NCKAP5: variants seen among roughly 807,000 people sequenced by gnomAD.
The protein encoded by NCKAP5 is nck-associated protein 5.
In NCKAP5, 92 loss-of-function variants were observed where a neutral mutation model predicts 167.0. The observed-to-expected ratio is 0.55, with a 90% CI of 0.47 to 0.66. The LOEUF is 0.66. NCKAP5 is among the 30% of genes least tolerant of loss of function. The probability of loss-of-function intolerance (pLI) is 0.00; values close to 1 mark genes in which losing one functional copy is unlikely to be tolerated. For synonymous variants in NCKAP5, 891 were observed against 877.4 expected (o/e 1.02, Z -0.27); for missense variants, 2,378 against 2,315.0 (o/e 1.03, Z -0.56).
intron 19 of NCKAP5, among the ~76,000 whole-genome samples, chr2:132,690,670 C>T (rs1435592297): frequency 2.0e-5 from 3 of 152,190 alleles, no homozygotes; most frequent in South Asian, 2.1e-4. Context: ...CTGCTCCACT[C>T]TGCACCATAG....
chr2:133,244,851 G>C (rs2087897099), intron 4 of NCKAP5, among the ~76,000 whole-genome samples: 1 of 152,094 alleles, frequency 6.6e-6, no homozygotes, highest in Admixed American at 6.6e-5. Flanking sequence ...AAATAACAAA[G>C]CTTCTGTAAA....
At chr2:133,413,958 G>C (rs1040469541) in intron 3 of NCKAP5, among the ~76,000 whole-genome samples, 2 of 152,174 alleles carry the variant, frequency 1.3e-5, no homozygotes, top group Non-Finnish European at 2.9e-5. Context: ...AATTTGTCTG[G>C]AGTTGAACAC....
chr2:132,942,939 T>C (rs1697410462), intron 8 of NCKAP5, among the ~76,000 whole-genome samples: 1 of 152,236 alleles, frequency 6.6e-6, no homozygotes. Flanking sequence ...TGCTAAAACC[T>C]GGTTAGTCTG....
intron 2 of NCKAP5, among the ~76,000 whole-genome samples, chr2:133,521,498 G>A (rs764428012): frequency 2.0e-4 from 31 of 152,250 alleles, no homozygotes; most frequent in Non-Finnish European, 3.5e-4. Flanking sequence ...CACAGACTGA[G>A]CGGATTACAC....
intron 9 of NCKAP5, among the ~76,000 whole-genome samples, chr2:132,872,290 C>T (rs912201419): frequency 2.0e-5 from 3 of 152,174 alleles, no homozygotes; most frequent in African/African-American, 4.8e-5. Context: ...GAGTACATCT[C>T]GTGTTTCCTT....
chr2:132,963,708 T>A lies in NCKAP5; in HGVS notation c.579+12A>T. On this transcript the variant is annotated intron_variant, in intron 8 of 19. Coordinates refer to ENST00000409261, the MANE Select transcript of NCKAP5 (RefSeq NM_207363.3). ...TTTTCTTGAAGAGTGTAAAAATTGC[T>A]TCATTTCTTACCTCTAGAGCTTTCA... 1.2e-6 allele frequency: 2 copies of A among 1,610,546 alleles called. No individual in the cohort carries two copies. The highest frequency in any genetic ancestry group is 1.7e-6 in the Non-Finnish European group (2 of 1,178,924).
chr2:133,107,998 C>T (rs762583064), intron 6 of NCKAP5, among the ~76,000 whole-genome samples: 8 of 152,210 alleles, frequency 5.3e-5, no homozygotes, highest in Non-Finnish European at 1.0e-4. Flanking sequence ...GTATTACTTA[C>T]AGCCTAAATC....
intron 4 of NCKAP5, among the ~76,000 whole-genome samples, chr2:133,229,142 C>A (rs2087024907): frequency 6.6e-6 from 1 of 151,928 alleles, no homozygotes; most frequent in Non-Finnish European, 1.5e-5. Context: ...AACAGGAAAG[C>A]AATTGGTGGG....
At chr2:133,666,246 G>A in the NCKAP5 span, among the ~76,000 whole-genome samples, 1 of 134,314 alleles carries the variant, frequency 7.4e-6, no homozygotes, top group Non-Finnish European at 1.5e-5. Context: ...CACCCAGACT[G>A]GAGTGCAGTG....
rs541852787 is a variant in NCKAP5 at position 133,119,651 on chromosome 2, T to C, written c.341+10327A>G. ...AAATATCACTTGCACTCCAAAATTA[T>C]GTACATCTATTATCTATCAATAAAT... On this transcript the variant is annotated intron_variant, in intron 6 of 19. Transcript: ENST00000409261. Among the ~76,000 whole-genome samples, 14 of 152,264 alleles carry C rather than the reference T, an allele frequency of 9.2e-5. No individual in the cohort carries two copies. The South Asian group carries it at 2.5e-3, about 27-fold the overall frequency.
intron 8 of NCKAP5, among the ~76,000 whole-genome samples, chr2:132,956,711 C>T (rs993093551): frequency 6.6e-5 from 10 of 152,320 alleles, no homozygotes; most frequent in Non-Finnish European, 1.2e-4. Context: ...TTTTCCTCCA[C>T]GCCCACTCCC....
intron 3 of NCKAP5, among the ~76,000 whole-genome samples, chr2:133,452,451 G>A (rs1222453864): frequency 6.6e-6 from 1 of 152,126 alleles, no homozygotes; most frequent in Non-Finnish European, 1.5e-5. Context: ...TATAAATTTA[G>A]ACCTATGGCT....
chr2:132,795,840 A>AAAC (rs1361359803), intron 12 of NCKAP5, among the ~76,000 whole-genome samples: 11 of 143,234 alleles, frequency 7.7e-5, no homozygotes, highest in African/African-American at 2.7e-4. Flanking sequence ...AAAAAAAAAC[A>AAAC]AAAAAAACAA....
chr2:132,965,680 A>T (rs1034699737), intron 7 of NCKAP5, among the ~76,000 whole-genome samples: 2 of 152,144 alleles, frequency 1.3e-5, no homozygotes, highest in Non-Finnish European at 2.9e-5. Flanking sequence ...CATAGAGTGT[A>T]TTTACACAAA....
chr2:133,430,286 T>C (rs948778734), intron 3 of NCKAP5, among the ~76,000 whole-genome samples: 1 of 152,160 alleles, frequency 6.6e-6, no homozygotes, highest in Non-Finnish European at 1.5e-5. Context: ...CTTTCTTGGA[T>C]GCATAGTTTG....
At chr2:133,532,500 A>C (rs1014285686) in intron 2 of NCKAP5, among the ~76,000 whole-genome samples, 3 of 152,190 alleles carry the variant, frequency 2.0e-5, no homozygotes, top group Admixed American at 2.0e-4. Flanking sequence ...ATTGAAAATA[A>C]ATGCTCGGTT....
chr2:133,467,795 C>G (rs922008316), intron 3 of NCKAP5, among the ~76,000 whole-genome samples: 1 of 139,770 alleles, frequency 7.2e-6, no homozygotes, highest in Non-Finnish European at 1.5e-5. Context: ...AGTTTATTTG[C>G]GTAGAGGTGT....
the NCKAP5 span, among the ~76,000 whole-genome samples, chr2:133,648,790 T>C: frequency 6.6e-6 from 1 of 151,454 alleles, no homozygotes; most frequent in African/African-American, 2.4e-5. Context: ...ACGTTTATAA[T>C]GTATTTAAAA....
intron 7 of NCKAP5, 64 bp from the exon 8 acceptor site, chr2:132,963,933 C>A: frequency 1.3e-6 from 2 of 1,572,128 alleles, no homozygotes; most frequent in Non-Finnish European, 8.7e-7. Flanking sequence ...GAGTGTGAGG[C>A]TGAAAAGGCT....
Sources: allele counts gnomAD v4.1 joint callset (sites outside exome capture counted in the v4.1 genomes callset), GRCh38; gene constraint gnomAD v4.1.1; transcripts MANE v1.5; gene names NCBI Gene and HGNC (gene_info 2026-07-23, HGNC 2026-07-21).